Variants in BCCIP observed in about 807,000 individuals in gnomAD.
BCCIP encodes BRCA2 and CDKN1A-interacting protein.
A neutral mutation model predicts 32.8 loss-of-function variants in BCCIP; 23 were observed. The observed-to-expected ratio is 0.70, with a 90% CI of 0.51 to 0.99. The LOEUF (loss-of-function observed/expected upper bound fraction) is 0.99. Among genes scored for constraint, BCCIP ranks in the 50% least tolerant of loss-of-function variants. The pLI, the probability that BCCIP is intolerant of heterozygous loss-of-function variation, is 0.00. For synonymous variants in BCCIP, 144 were observed against 137.6 expected (o/e 1.05, Z -0.33); for missense variants, 378 against 379.8 (o/e 1.00, Z 0.04).
In BCCIP at chr10:125,836,229, G is replaced by A; in HGVS notation, c.900G>A (p.Lys300=). 6.2e-7 allele frequency: 1 copy of A among 1,614,186 alleles called. No homozygotes were observed. The change falls in exon 7 of 7, where the codon AAG becomes AAA. Residue 300 remains lysine, a synonymous_variant. Coordinates refer to ENST00000278100, the MANE Select transcript of BCCIP (RefSeq NM_078468.3). ...LRTVMLIPGD[K]MNEIMDKLKE... ...CTGTGATGTTAATTCCAGGCGACAA[G>A]ATGAACGAAATCATGGATAAACTGA...
chr10:125,841,057 A>G, downstream of BCCIP: 1 of 1,551,602 alleles, frequency 6.4e-7, no homozygotes, highest in Non-Finnish European at 8.8e-7. Context: ...TTAGCCTAAC[A>G]TGCAGAGGGG....
At chr10:125,837,350 C>T (rs1427953479), downstream of BCCIP, among the ~76,000 whole-genome samples, 1 of 152,266 alleles carries the variant, frequency 6.6e-6, no homozygotes, top group Non-Finnish European at 1.5e-5. Flanking sequence ...AGACTCTGTA[C>T]TGGCCTCTCA....
Position 125,852,153 on chromosome 10 carries a change from A to G in BCCIP, c.851-972A>G, listed in dbSNP as rs542047756. On this transcript the variant is annotated intron_variant, in intron 7 of 7. Transcript: ENST00000368759. ...CCTTCAGAGAATGTTTACCTCTAGC[A>G]GGAAAATGCTTCAGTCCAAACCAAC... The G allele has an allele frequency of 6.8e-6, 7 of 1,028,142 alleles. No individual in the cohort carries two copies. The South Asian group carries it at 1.2e-4, about 18-fold the overall frequency. The allele number at this position is 1,028,142 out of a possible 1,614,324, so 63.7% of individuals were successfully genotyped here.
chr10:125,833,693 C>T (rs576689889), intron 5 of BCCIP, 79 bp from the exon 6 acceptor site: 147 of 1,481,014 alleles, frequency 9.9e-5, no homozygotes, highest in Middle Eastern at 2.1e-4. Flanking sequence ...GATGCCTCAC[C>T]GGGTTTTCTG....
In BCCIP at chr10:125,823,682, G is replaced by A. The variant is rs1231035624; in HGVS notation, c.125G>A (p.Ser42Asn). Reference sequence around the variant, plus strand: ...AATGAGGATGAAGACGATGATGACAGTGACAAGGAAAAGGATGAAGAGGAC... The same window carrying A: ...AATGAGGATGAAGACGATGATGACAATGACAAGGAAAAGGATGAAGAGGAC... Reference protein sequence around the residue: ...VENEDEDDDDSDKEKDEEDEV... With the variant: ...VENEDEDDDDNDKEKDEEDEV... Residue 42 changes from serine to asparagine, a missense_variant, in exon 1 of 7, where the codon AGT becomes AAT. Coordinates refer to ENST00000278100, the MANE Select transcript of BCCIP (RefSeq NM_078468.3). 1 of 1,614,164 alleles carries A rather than the reference G, an allele frequency of 6.2e-7. No individual in the cohort carries two copies. Among genetic ancestry groups the A allele is most frequent in the African/African-American group, 1.3e-5 (1 of 75,054 alleles).
At chr10:125,835,705 A>C (rs73381227) in intron 6 of BCCIP, among the ~76,000 whole-genome samples, 2,868 of 152,346 alleles carry the variant, frequency 0.019, 87 homozygotes, top group African/African-American at 0.064. Flanking sequence ...CTGTCTTCAC[A>C]CAAAAGCCTG....
At chr10:125,842,133 T>C (rs905055730) in exon 7 of BCCIP, 7 of 705,206 alleles carry the variant, frequency 9.9e-6, no homozygotes, top group African/African-American at 9.3e-5. Flanking sequence ...GCCCTGTGAT[T>C]GTCCAGCTCA....
chr10:125,836,928 G>T, downstream of BCCIP: 2 of 1,348,132 alleles, frequency 1.5e-6, no homozygotes, highest in Non-Finnish European at 2.1e-6. Flanking sequence ...TTATGTCTGG[G>T]CACTTCCCAT....
chr10:125,846,663 A>T (rs1944025013), downstream of BCCIP, among the ~76,000 whole-genome samples: 1 of 152,196 alleles, frequency 6.6e-6, no homozygotes, highest in African/African-American at 2.4e-5. Context: ...GTCCCCTTTT[A>T]TAGGAACTGT....
intron 3 of BCCIP, among the ~76,000 whole-genome samples, chr10:125,827,967 G>GAA (rs11296499): frequency 3.4e-4 from 21 of 62,308 alleles, no homozygotes; most frequent in South Asian, 6.6e-4. Flanking sequence ...CCCTATATCT[G>GAA]AAAAAAAAAA....
downstream of BCCIP, chr10:125,841,260 G>A (rs1267502351): frequency 3.1e-6 from 5 of 1,613,968 alleles, no homozygotes; most frequent in Admixed American, 1.7e-5. Flanking sequence ...GGCAGGAGCA[G>A]GGAAAACCTG....
chr10:125,839,005 A>G (rs1213636050), downstream of BCCIP: 1 of 1,613,834 alleles, frequency 6.2e-7, no homozygotes, highest in East Asian at 2.2e-5. Flanking sequence ...TCTCACCTGC[A>G]TAAAGTAACC....
Position 125,836,183 on chromosome 10 carries a change from T to TACC in BCCIP, c.856_858dup (p.Pro286dup), listed in dbSNP as rs1432164415. 1 of 1,614,242 alleles carries TACC rather than the reference T, an allele frequency of 6.2e-7. No homozygotes were observed. Among genetic ancestry groups the TACC allele is most frequent in the Non-Finnish European group, 8.5e-7 (1 of 1,180,042 alleles). On this transcript the variant is annotated inframe_insertion, in exon 7 of 7. Transcript: ENST00000278100. Reference sequence around the variant, plus strand: ...GGAGGCAAATGGTCTTTTGATGACGTACCAATGACGCCCTTGCGAACTGTG... The same window carrying TACC: ...GGAGGCAAATGGTCTTTTGATGACGTACCACCAATGACGCCCTTGCGAACTGTG...
intron 7 of BCCIP, among the ~76,000 whole-genome samples, chr10:125,849,601 G>T (rs1240378694): frequency 6.6e-6 from 1 of 151,428 alleles, no homozygotes. Context: ...ATATTTGCTC[G>T]ACTCTCTGGG....
At chr10:125,831,666 A>C (rs1854523771) in intron 5 of BCCIP, 59 bp downstream of exon 5, 2 of 1,485,296 alleles carry the variant, frequency 1.3e-6, no homozygotes, top group Admixed American at 3.9e-5. Context: ...TAGATTCCTA[A>C]ATGTCATTTA....
At chr10:125,835,776 T>C (rs556947472) in intron 6 of BCCIP, among the ~76,000 whole-genome samples, 7 of 152,302 alleles carry the variant, frequency 4.6e-5, no homozygotes, top group African/African-American at 1.7e-4. Flanking sequence ...TCTTGTTAAA[T>C]ATCAAATTTT....
intron 4 of BCCIP, 114 bp from the exon 5 acceptor site, chr10:125,831,306 T>G (rs1368220119): frequency 1.1e-5 from 11 of 971,910 alleles, no homozygotes; most frequent in Non-Finnish European, 1.7e-5. Context: ...ACGTTAAGGC[T>G]ATGGCAGGAA....
chr10:125,829,566 G>A (rs1854477450), intron 3 of BCCIP, among the ~76,000 whole-genome samples: 2 of 152,178 alleles, frequency 1.3e-5, no homozygotes, highest in South Asian at 2.1e-4. Flanking sequence ...GAGTGATAGG[G>A]TCACCAACAT....
chr10:125,837,197 G>A (rs1166615980), downstream of BCCIP, among the ~76,000 whole-genome samples: 4 of 152,190 alleles, frequency 2.6e-5, no homozygotes, highest in African/African-American at 9.7e-5. Context: ...TTTGGGTAGG[G>A]GAGAGAGGGG....
Sources: gnomAD v4.1 joint callset for allele counts (sites outside exome capture counted in the v4.1 genomes callset) on GRCh38, gnomAD v4.1.1 for gene constraint, MANE v1.5 for transcripts, NCBI Gene and HGNC (gene_info 2026-07-23, HGNC 2026-07-21) for gene names.